The following MBD5 variants were observed in gnomAD, a reference collection of about 807,000 sequenced individuals.
MBD5 encodes the protein methyl-CpG binding domain protein 5, also known as methyl-CpG-binding domain protein 5.
In MBD5, 13 loss-of-function variants were observed where a neutral mutation model predicts 117.3. That is an observed-to-expected ratio of 0.11 (90% CI 0.07 to 0.18). The LOEUF (loss-of-function observed/expected upper bound fraction) is 0.18, where lower values mean the gene tolerates loss of function less well. Ranked by LOEUF, MBD5 falls within the 10% of genes least tolerant of loss-of-function variation. The pLI is 1.00. For missense variants in MBD5, 1,879 were observed against 2,093.8 expected (o/e 0.90, Z 2.00); for synonymous variants, 727 against 766.4 (o/e 0.95, Z 0.85).
At chr2:148,352,718 G>T (rs1303479352) in intron 4 of MBD5, among the ~76,000 whole-genome samples, 1 of 152,000 alleles carries the variant, frequency 6.6e-6, no homozygotes, top group Non-Finnish European at 1.5e-5. Flanking sequence ...CCTTTTTATT[G>T]CTTAGTAGTG....
At chr2:148,401,986 A>G (rs1704936726) in intron 4 of MBD5, among the ~76,000 whole-genome samples, 1 of 151,254 alleles carries the variant, frequency 6.6e-6, no homozygotes, top group South Asian at 2.1e-4. Context: ...AAGATTATGC[A>G]TTTTGAAGAC....
intron 4 of MBD5, among the ~76,000 whole-genome samples, chr2:148,438,184 C>A (rs751315986): frequency 6.6e-6 from 1 of 152,174 alleles, no homozygotes; most frequent in Non-Finnish European, 1.5e-5. Context: ...CATATTGATG[C>A]TATATGTGAA....
intron 1 of MBD5, among the ~76,000 whole-genome samples, chr2:148,132,460 G>A (rs1427005427): frequency 2.0e-5 from 3 of 151,360 alleles, no homozygotes; most frequent in Admixed American, 6.6e-5. Flanking sequence ...AGTGAAGTAC[G>A]TCCATATGGC....
intron 1 of MBD5, among the ~76,000 whole-genome samples, chr2:148,074,323 A>T (rs1462822692): frequency 6.6e-6 from 1 of 152,244 alleles, no homozygotes; most frequent in African/African-American, 2.4e-5. Context: ...AAACTCTATC[A>T]TATTTAGCTT....
At chr2:148,035,933 G>A (rs751319471) in intron 1 of MBD5, among the ~76,000 whole-genome samples, 3 of 152,142 alleles carry the variant, frequency 2.0e-5, no homozygotes, top group Non-Finnish European at 4.4e-5. Flanking sequence ...CTGTTATAGT[G>A]ATTATATGTG....
rs1297042335 is a variant in MBD5 at position 148,188,999 on chromosome 2, C to T, written c.-831+10206C>T. ...CCGAGTCAAAGAAAGGGGTGACGGACGCACCTGGAAAATCGGGTCACTCCC... is the reference window on the plus strand; with the variant it reads ...CCGAGTCAAAGAAAGGGGTGACGGATGCACCTGGAAAATCGGGTCACTCCC... On this transcript the variant is annotated intron_variant, in intron 2 of 13. Transcript: ENST00000642680. 8.0e-5 allele frequency among the ~76,000 whole-genome samples: 12 copies of T among 149,400 alleles called. No individual in the cohort carries two copies. In the East Asian group the frequency reaches 1.4e-3, roughly 17 times the overall value.
chr2:148,156,806 T>C (rs1697887778), intron 1 of MBD5, among the ~76,000 whole-genome samples: 2 of 152,230 alleles, frequency 1.3e-5, no homozygotes, highest in South Asian at 4.1e-4. Flanking sequence ...TTATAGGTCA[T>C]TTAAATCACA....
chr2:148,339,456 A>G lies in MBD5; in HGVS notation c.-679-2758A>G, dbSNP rs1247912267. Among the ~76,000 whole-genome samples the G allele has an allele frequency of 2.0e-5, 3 of 152,012 alleles. No individual in the cohort carries two copies. The East Asian group carries it at 5.8e-4, about 29-fold the overall frequency. On this transcript the variant is annotated intron_variant, in intron 3 of 13. Transcript: ENST00000642680. ...ACTATGTTTTCCACATTTCTTCTCA[A>G]AGTATCATTTATTTCTGTATAAATA...
chr2:148,070,315 T>C (rs192895862), intron 1 of MBD5, among the ~76,000 whole-genome samples: 2 of 152,332 alleles, frequency 1.3e-5, no homozygotes, highest in East Asian at 1.9e-4. Context: ...TATTTTATCA[T>C]TGGTGCTATG....
chr2:148,338,651 G>A lies in MBD5; in HGVS notation c.-679-3563G>A, dbSNP rs576119186. On this transcript the variant is annotated intron_variant, in intron 3 of 13. Transcript: ENST00000642680. ...AAAGGGAAAGCAGAGATCATCATATGAGCAAAATATGTGTATTACTTTTTA... is the reference window on the plus strand; with the variant it reads ...AAAGGGAAAGCAGAGATCATCATATAAGCAAAATATGTGTATTACTTTTTA... 6.0e-4 allele frequency among the ~76,000 whole-genome samples: 91 copies of A among 152,138 alleles called. 1 individual carries two copies. Among genetic ancestry groups the A allele is most frequent in the Non-Finnish European group, 5.9e-4 (40 of 68,026 alleles).
chr2:148,341,656 C>A (rs1224686838), intron 3 of MBD5, among the ~76,000 whole-genome samples: 1 of 151,730 alleles, frequency 6.6e-6, no homozygotes, highest in Non-Finnish European at 1.5e-5. Context: ...GACTGGCAAA[C>A]TTCTTTTAAT....
intron 1 of MBD5, among the ~76,000 whole-genome samples, chr2:148,137,329 A>C (rs16828306): frequency 2.0e-5 from 3 of 152,026 alleles, no homozygotes; most frequent in Non-Finnish European, 4.4e-5. Context: ...CACTATTTCT[A>C]TTTTATCCTG....
intron 4 of MBD5, among the ~76,000 whole-genome samples, chr2:148,359,266 CAAA>C (rs3076505): frequency 1.0e-3 from 127 of 123,288 alleles, no homozygotes; most frequent in Middle Eastern, 4.5e-3. Context: ...GGCTCTGTCT[CAAA>C]AAAAAAAAAA....
rs569250084 is a variant in MBD5 at position 148,166,879 on chromosome 2, A to AT, written c.-924-11812dup. Among the ~76,000 whole-genome samples the AT allele has an allele frequency of 9.1e-4, 136 of 150,200 alleles. 1 individual carries two copies. The South Asian group carries it at 0.02, about 22-fold the overall frequency. ...TTCCTAATATGTAACTACTAATTGC[A>AT]TTTTTTTTTGTCAATTATGCTGGCT... On this transcript the variant is annotated intron_variant, in intron 1 of 13. Coordinates refer to ENST00000642680, the MANE Select transcript of MBD5 (RefSeq NM_001378120.1).
Position 148,238,709 on chromosome 2 carries a change from G to C in MBD5, c.-680+5314G>C, listed in dbSNP as rs562785268. On this transcript the variant is annotated intron_variant, in intron 3 of 13. Coordinates refer to ENST00000642680, the MANE Select transcript of MBD5 (RefSeq NM_001378120.1). ...TTTTGAAGCCTGGTGGGGAGAATTTGTTCCTTTTGCTTGGCTGTGGCGTTG... is the reference window on the plus strand; with the variant it reads ...TTTTGAAGCCTGGTGGGGAGAATTTCTTCCTTTTGCTTGGCTGTGGCGTTG... Among the ~76,000 whole-genome samples the C allele has an allele frequency of 5.3e-5, 8 of 152,226 alleles. No homozygotes were observed. In the East Asian group the frequency reaches 1.5e-3, roughly 29 times the overall value.
chr2:148,035,371 T>C (rs1408115907), intron 1 of MBD5, among the ~76,000 whole-genome samples: 1 of 152,110 alleles, frequency 6.6e-6, no homozygotes, highest in East Asian at 1.9e-4. Flanking sequence ...AAATTTTTTC[T>C]TTTTTTAGAA....
chr2:148,264,784 G>A (rs905397118), intron 3 of MBD5: 45 of 152,142 alleles, frequency 3.0e-4, no homozygotes, highest in African/African-American at 1.1e-3. Context: ...CCTTTAACAT[G>A]CCACTGGGTT....
At chr2:148,175,117 T>C (rs1489149438) in intron 1 of MBD5, among the ~76,000 whole-genome samples, 1 of 152,130 alleles carries the variant, frequency 6.6e-6, no homozygotes, top group Non-Finnish European at 1.5e-5. Context: ...TTTCAAATAT[T>C]CTCACCACAA....
At chr2:148,088,296 A>G (rs1695849902) in intron 1 of MBD5, among the ~76,000 whole-genome samples, 1 of 152,188 alleles carries the variant, frequency 6.6e-6, no homozygotes, top group South Asian at 2.1e-4. Flanking sequence ...TGAGGGATTA[A>G]TTGAGGAAAA....
Sources: allele counts gnomAD v4.1 joint callset (sites outside exome capture counted in the v4.1 genomes callset), GRCh38; gene constraint gnomAD v4.1.1; transcripts MANE v1.5; gene names NCBI Gene and HGNC (gene_info 2026-07-23, HGNC 2026-07-21).